Variants in PIK3R5 observed in about 807,000 individuals in gnomAD.
The protein encoded by PIK3R5 is phosphoinositide-3-kinase regulatory subunit 5.
In PIK3R5, 32 loss-of-function variants were observed where a neutral mutation model predicts 94.9. The observed-to-expected ratio is 0.34, with a 90% CI of 0.25 to 0.45. PIK3R5 has a LOEUF of 0.45. Ranked by LOEUF, PIK3R5 falls within the 20% of genes least tolerant of loss-of-function variation. The pLI is 1.00. For synonymous variants in PIK3R5, 443 were observed against 479.4 expected (o/e 0.92, Z 0.99); for missense variants, 853 against 1,144.6 (o/e 0.75, Z 3.68).
chr17:8,920,761 A>G (rs1478899018), intron 1 of PIK3R5, among the ~76,000 whole-genome samples: 1 of 152,092 alleles, frequency 6.6e-6, no homozygotes, highest in Non-Finnish European at 1.5e-5. Flanking sequence ...CTGTAATTTT[A>G]GCCCTTCTTT....
rs377510704 is a variant in PIK3R5, at chr17:8,884,748, G to C, written c.2164C>G (p.Arg722Gly). Reference protein sequence around the residue: ...GSKRLGIDGDREAVPLTLQII... With the variant: ...GSKRLGIDGDGEAVPLTLQII... Reference sequence around the variant, plus strand: ...TGTAGTGTTAGAGGAACAGCCTCCCGGTCGCCATCGATGCCCAGCCGCTTG... The same window carrying C: ...TGTAGTGTTAGAGGAACAGCCTCCCCGTCGCCATCGATGCCCAGCCGCTTG... Residue 722 changes from arginine to glycine, a missense_variant, in exon 15 of 19, where the codon CGG becomes GGG. By Grantham distance (125) the Arg-to-Gly change is moderately radical. Coordinates refer to ENST00000447110, the MANE Select transcript of PIK3R5 (RefSeq NM_001142633.3). The surrounding 1 kb of genome is among the most constrained non-coding windows in gnomAD (Gnocchi z 5.8). 1.9e-6 allele frequency: 3 copies of C among 1,613,246 alleles called. No homozygotes were observed. The highest frequency in any genetic ancestry group is 2.5e-6 in the Non-Finnish European group (3 of 1,179,576).
intron 1 of PIK3R5, among the ~76,000 whole-genome samples, chr17:8,961,326 G>GT (rs1266843167): frequency 1.3e-5 from 2 of 152,146 alleles, no homozygotes; most frequent in Non-Finnish European, 2.9e-5. Flanking sequence ...GCTCTGCAGC[G>GT]TTTTCAGCTG....
intron 3 of PIK3R5, among the ~76,000 whole-genome samples, chr17:8,907,109 C>T (rs1162593580): frequency 5.3e-5 from 8 of 151,976 alleles, no homozygotes; most frequent in African/African-American, 7.2e-5. Context: ...CTGCAACCTC[C>T]GCCTCCTGGG....
rs778464856 is a variant in PIK3R5 at position 8,889,128 on chromosome 17, C to T, written c.895+11G>A. 6.2e-6 allele frequency: 10 copies of T among 1,611,804 alleles called. No homozygotes were observed. The highest frequency in any genetic ancestry group is 4.0e-5 in the African/African-American group (3 of 74,880). On this transcript the variant is annotated intron_variant, in intron 9 of 18. Transcript: ENST00000447110. The surrounding 1 kb of genome is among the most constrained non-coding windows in gnomAD (Gnocchi z 4.1). ...TGGGGCATGGGTGTCACCAGGGCCC[C>T]GGCTCCTTACCAAAGCTGTCCTGGC...
intron 1 of PIK3R5, among the ~76,000 whole-genome samples, chr17:8,932,808 GT>G: frequency 6.6e-6 from 1 of 152,126 alleles, no homozygotes; most frequent in African/African-American, 2.4e-5. Context: ...AAGAAAATGG[GT>G]GCAGAAAAAA....
In PIK3R5 at chr17:8,945,358, AC is replaced by A. The variant is rs1237385090; in HGVS notation, c.-14+20237del. On this transcript the variant is annotated intron_variant, in intron 1 of 18. Coordinates refer to ENST00000447110, the MANE Select transcript of PIK3R5 (RefSeq NM_001142633.3). This position sits in a 1 kb window ranked among gnomAD's most constrained non-coding sequence, Gnocchi z 4.0. ...GGTCTGCCTCCCACCCCAGCCACAC[AC>A]ACACACACTCACACCCTTCAGGGAA... 8.5e-5 allele frequency among the ~76,000 whole-genome samples: 13 copies of A among 152,164 alleles called. No homozygotes were observed. The South Asian group carries it at 1.0e-3, about 12-fold the overall frequency.
chr17:8,893,479 G>A lies in PIK3R5; in HGVS notation c.482+107C>T. On this transcript the variant is annotated intron_variant, in intron 6 of 18. Coordinates refer to ENST00000447110, the MANE Select transcript of PIK3R5 (RefSeq NM_001142633.3). This position sits in a 1 kb window ranked among gnomAD's most constrained non-coding sequence, Gnocchi z 5.1. The stretch of plus-strand genomic sequence containing the variant: ...GTTTGTTGCTGGCTGGGGTGGACAG[G>A]GGGTGGGGGCACTGGATGTTTGAGT... 1 of 866,440 alleles carries A rather than the reference G, an allele frequency of 1.2e-6. No homozygotes were observed. Among genetic ancestry groups the A allele is most frequent in the Admixed American group, 1.8e-5 (1 of 54,708 alleles). 53.7% of individuals were successfully genotyped at this position (866,440 alleles called of 1,614,324 possible).
chr17:8,954,937 CAAA>C (rs4065024), intron 1 of PIK3R5, among the ~76,000 whole-genome samples: 43 of 101,074 alleles, frequency 4.3e-4, no homozygotes, highest in African/African-American at 4.4e-4. Flanking sequence ...AACTCCGTCT[CAAA>C]AAAAAAAAAA....
rs146420087 is a variant in PIK3R5, at chr17:8,934,308, A to G, written c.-13-22801T>C. Among the ~76,000 whole-genome samples the G allele has an allele frequency of 3.7e-4, 57 of 152,372 alleles. No individual in the cohort carries two copies. The East Asian group carries it at 0.01, about 27-fold the overall frequency. On this transcript the variant is annotated intron_variant, in intron 1 of 18. Transcript: ENST00000447110. ...CTACCAATTTGAAAGTGAAGTTTTT[A>G]GAAACACCATTCATAATAGCATCAA... is the stretch of plus-strand genomic sequence containing the variant.
At chr17:8,926,043 G>A (rs564531550) in intron 1 of PIK3R5, among the ~76,000 whole-genome samples, 18 of 152,250 alleles carry the variant, frequency 1.2e-4, no homozygotes, top group South Asian at 4.1e-4. Flanking sequence ...AGGTGGCACC[G>A]GAAGTATCAC....
Position 8,955,198 on chromosome 17 carries a change from G to A in PIK3R5, c.-14+10398C>T, listed in dbSNP as rs186329690. Among the ~76,000 whole-genome samples the A allele has an allele frequency of 4.6e-5, 7 of 152,298 alleles. No individual in the cohort carries two copies. The highest frequency in any genetic ancestry group is 2.6e-4 in the Admixed American group (4 of 15,298). On this transcript the variant is annotated intron_variant, in intron 1 of 18. Coordinates refer to ENST00000447110, the MANE Select transcript of PIK3R5 (RefSeq NM_001142633.3). The surrounding 1 kb of genome is among the most constrained non-coding windows in gnomAD (Gnocchi z 4.4). ...AGATGGGGAGCAGCCCAGCCTGCCC[G>A]ATCATCAGTCATCCAAGGCTGAGGC...
chr17:8,928,486 GA>G (rs1053521301), intron 1 of PIK3R5, among the ~76,000 whole-genome samples: 1 of 151,978 alleles, frequency 6.6e-6, no homozygotes, highest in East Asian at 1.9e-4. Context: ...TAAAGACAAA[GA>G]AAAAATCTTG....
chr17:8,906,192 C>G (rs2090393835), intron 3 of PIK3R5, among the ~76,000 whole-genome samples: 1 of 152,014 alleles, frequency 6.6e-6, no homozygotes, highest in Admixed American at 6.6e-5. Flanking sequence ...TGTGTGATGT[C>G]CCCTCCCTGT....
intron 1 of PIK3R5, among the ~76,000 whole-genome samples, chr17:8,942,951 C>A (rs978946638): frequency 5.2e-5 from 6 of 116,084 alleles, no homozygotes; most frequent in East Asian, 2.3e-4. Flanking sequence ...CTGGACAAAG[C>A]AGATCACGTC....
At position 8,909,965 on chromosome 17, in the gene PIK3R5, T is replaced by A. The variant is rs2090487634; in HGVS notation, c.104-791A>T. On this transcript the variant is annotated intron_variant, in intron 2 of 18. Transcript: ENST00000447110. The surrounding 1 kb of genome is among the most constrained non-coding windows in gnomAD (Gnocchi z 4.3). ...CCATGGAGCTTCCCAGGAATGGCAA[T>A]GGAGCCCAGGAAGGGGAAGCTAAAC... Among the ~76,000 whole-genome samples the A allele has an allele frequency of 6.6e-6, 1 of 152,224 alleles. No individual in the cohort carries two copies. The highest frequency in any genetic ancestry group is 1.5e-5 in the Non-Finnish European group (1 of 68,040).
At position 8,888,381 on chromosome 17, in the gene PIK3R5, G is replaced by A. The variant is rs562604054; in HGVS notation, c.1406C>T (p.Pro469Leu). Residue 469 changes from proline (P) to leucine (L), a missense_variant, in exon 10 of 19, where the codon CCC becomes CTC. Transcript: ENST00000447110. The surrounding 1 kb of genome is among the most constrained non-coding windows in gnomAD (Gnocchi z 7.8). Reference protein sequence around the residue: ...LCSPLDEPVSPPSRAQRSRSL... With the variant: ...LCSPLDEPVSLPSRAQRSRSL... ...GCGGGAGCGCTGGGCCCGGGAAGGGGGTGATACTGGTTCGTCCAGGGGGCT... is the reference window on the plus strand; with the variant it reads ...GCGGGAGCGCTGGGCCCGGGAAGGGAGTGATACTGGTTCGTCCAGGGGGCT... The A allele has an allele frequency of 1.2e-5, 20 of 1,605,402 alleles. No individual in the cohort carries two copies. The Admixed American group carries it at 3.2e-4, about 26-fold the overall frequency.
chr17:8,880,878 C>T, intron 18 of PIK3R5, 27 bp downstream of exon 18: 1 of 1,612,972 alleles, frequency 6.2e-7, no homozygotes. Context: ...AGAAACTGCT[C>T]CCCTCCCTAG....
At position 8,890,703 on chromosome 17, in the gene PIK3R5, G is replaced by A; in HGVS notation, c.657+35C>T. ...GAGAGGGTGCTACCTCCTCAGAGAGGTGCTCCACCAGAGCCCCAGGCCCCA... is the reference window on the plus strand; with the variant it reads ...GAGAGGGTGCTACCTCCTCAGAGAGATGCTCCACCAGAGCCCCAGGCCCCA... On this transcript the variant is annotated intron_variant, in intron 7 of 18. Transcript: ENST00000447110. The surrounding 1 kb of genome is among the most constrained non-coding windows in gnomAD (Gnocchi z 6.1). 1 of 1,569,922 alleles carries A rather than the reference G, an allele frequency of 6.4e-7. No individual in the cohort carries two copies.
chr17:8,922,766 C>A (rs577330403), intron 1 of PIK3R5, among the ~76,000 whole-genome samples: 1 of 152,038 alleles, frequency 6.6e-6, no homozygotes, highest in African/African-American at 2.4e-5. Context: ...CCAGATGAGT[C>A]TGTTACAGCA....
Sources: gnomAD v4.1 joint callset for allele counts (sites outside exome capture counted in the v4.1 genomes callset) on GRCh38, gnomAD v4.1.1 for gene constraint, Gnocchi (gnomAD v3.1) non-coding constraint, MANE v1.5 for transcripts, NCBI Gene and HGNC (gene_info 2026-07-23, HGNC 2026-07-21) for gene names.